The following ZFYVE16 variants were observed in gnomAD, a reference collection of about 807,000 sequenced individuals.
The protein encoded by ZFYVE16 is zinc finger FYVE domain-containing protein 16.
In ZFYVE16, 89 loss-of-function variants were observed where a neutral mutation model predicts 138.1. The ratio of observed to expected loss-of-function variants is 0.64; its 90% confidence interval spans 0.54 to 0.77. ZFYVE16 has a LOEUF of 0.77. ZFYVE16 is among the 30% of genes least tolerant of loss of function. The pLI is 0.00. For missense variants in ZFYVE16, 1,793 were observed against 1,786.7 expected, an observed-to-expected ratio of 1.00 and a Z score of -0.06; for synonymous variants, 596 against 618.3, an observed-to-expected ratio of 0.96 and a Z score of 0.53.
chr5:80,423,229 G>C (rs1274556226), intron 1 of ZFYVE16, among the ~76,000 whole-genome samples: 1 of 152,098 alleles, frequency 6.6e-6, no homozygotes, highest in Non-Finnish European at 1.5e-5. Context: ...TGGGTTATCT[G>C]TTTCTCCTTG....
At chr5:80,435,852 GTT>G in intron 3 of ZFYVE16, 1 of 252,668 alleles carries the variant, frequency 4.0e-6, no homozygotes, top group South Asian at 3.3e-5. Context: ...TGGGATTACA[GTT>G]GTAAGCCACC....
rs560131312 is a variant in ZFYVE16, at chr5:80,481,882, C to G, written c.*4505C>G. ...TCACCCAGGCTAGAGTGCAGTGATA[C>G]AATCTTGGCTCACTGCAACCTCCAC... On this transcript the variant is annotated 3_prime_UTR_variant, in exon 19 of 19. Coordinates refer to ENST00000505560, the MANE Select transcript of ZFYVE16 (RefSeq NM_001284236.3). Among the ~76,000 whole-genome samples, 1 of 152,260 alleles carries G rather than the reference C, an allele frequency of 6.6e-6. No individual in the cohort carries two copies. The highest frequency in any genetic ancestry group is 2.1e-4 in the South Asian group (1 of 4,828).
intron 6 of ZFYVE16, 109 bp from the exon 7 acceptor site, chr5:80,445,154 G>A: frequency 1.7e-6 from 2 of 1,210,616 alleles, no homozygotes; most frequent in South Asian, 1.5e-5. Flanking sequence ...GAATTCAGGG[G>A]TTGCCAGTGG....
rs1422407662 is a variant in ZFYVE16, at chr5:80,438,918, G to T, written c.2233G>T (p.Val745Phe). Residue 745 changes from valine to phenylalanine, a missense_variant, in exon 4 of 19, where the codon GTT (valine) becomes TTT (phenylalanine). By Grantham distance (50) the Val-to-Phe change is conservative. Coordinates refer to ENST00000505560, the MANE Select transcript of ZFYVE16 (RefSeq NM_001284236.3). ...LVLGQKQPTW[V>F]PDSEAPNCMN... Reference sequence around the variant, plus strand: ...TTTGGGCCAGAAACAGCCTACTTGGGTTCCTGATTCAGAAGCTCCAAACTG... The same window carrying T: ...TTTGGGCCAGAAACAGCCTACTTGGTTTCCTGATTCAGAAGCTCCAAACTG... 1.9e-6 allele frequency: 3 copies of T among 1,613,924 alleles called. No homozygotes were observed. The highest frequency in any genetic ancestry group is 2.5e-6 in the Non-Finnish European group (3 of 1,179,956).
intron 1 of ZFYVE16, among the ~76,000 whole-genome samples, chr5:80,415,277 TTTATTA>T (rs1376874947): frequency 6.6e-6 from 1 of 152,192 alleles, no homozygotes; most frequent in African/African-American, 2.4e-5. Context: ...CCACACCCAG[TTTATTA>T]TTAACATCTT....
chr5:80,455,137 T>C (rs1752390073), intron 11 of ZFYVE16: 1 of 152,752 alleles, frequency 6.5e-6, no homozygotes, highest in Non-Finnish European at 1.5e-5. Flanking sequence ...TGAAATAGTA[T>C]AGACACACTC....
At chr5:80,451,244 G>A (rs932978011) in intron 10 of ZFYVE16, among the ~76,000 whole-genome samples, 16 of 152,046 alleles carry the variant, frequency 1.1e-4, no homozygotes, top group Non-Finnish European at 1.9e-4. Flanking sequence ...TCAAATTTTT[G>A]TTCATAATCC....
chr5:80,425,272 C>T (rs181612789), intron 1 of ZFYVE16, among the ~76,000 whole-genome samples: 2 of 152,240 alleles, frequency 1.3e-5, no homozygotes, highest in Non-Finnish European at 1.5e-5. Flanking sequence ...GATAGGTCTT[C>T]GATGTCATTC....
intron 1 of ZFYVE16, among the ~76,000 whole-genome samples, chr5:80,420,638 T>C (rs949594759): frequency 2.0e-5 from 3 of 152,356 alleles, no homozygotes; most frequent in Middle Eastern, 3.4e-3. Flanking sequence ...TCCTTTTTTA[T>C]GGATGCATAG....
intron 14 of ZFYVE16, among the ~76,000 whole-genome samples, chr5:80,458,622 A>T (rs1408594004): frequency 6.6e-6 from 1 of 152,220 alleles, no homozygotes; most frequent in Non-Finnish European, 1.5e-5. Context: ...ATTGATGGGC[A>T]TAATTTGTTA....
chr5:80,438,771 G>C lies in ZFYVE16; in HGVS notation c.2086G>C (p.Asp696His), dbSNP rs1344941009. The C allele has an allele frequency of 6.2e-7, 1 of 1,614,074 alleles. No homozygotes were observed. Among genetic ancestry groups the C allele is most frequent in the Non-Finnish European group, 8.5e-7 (1 of 1,179,966 alleles). The change falls in exon 4 of 19, where the codon GAT (aspartate) becomes CAT (histidine). Residue 696 changes from aspartate (D) to histidine (H), a missense_variant. This residue lies in a region of ZFYVE16 where 1,295 missense variants were observed against 1,204.3 expected (regional missense o/e 1.08). Transcript: ENST00000505560. ...PITCAIDSTA[D>H]PQVSFNSNYI... is the part of the protein sequence containing the mutation. ...CACTTGTGCTATAGATTCTACAGCT[G>C]ATCCACAGGTTAGCTTCAACTCTAA...
chr5:80,451,580 C>A lies in ZFYVE16; in HGVS notation c.3478C>A (p.Gln1160Lys). Residue 1160 changes from glutamine (Q) to lysine (K), a missense_variant, in exon 11 of 19, where the codon CAG becomes AAG. Physicochemically the swap from Gln to Lys is moderately conservative, Grantham distance 53. Transcript: ENST00000505560. ...ATTCCTGTTTATTACACCTACTTTTCAGAAACTTGATGATCTCTCATTACC... is the reference window on the plus strand; with the variant it reads ...ATTCCTGTTTATTACACCTACTTTTAAGAAACTTGATGATCTCTCATTACC... ...GGFLFITPTF[Q>K]KLDDLSLPSN... The A allele has an allele frequency of 6.2e-7, 1 of 1,613,862 alleles. No individual in the cohort carries two copies. The highest frequency in any genetic ancestry group is 8.5e-7 in the Non-Finnish European group (1 of 1,179,898).
chr5:80,434,358 A>T (rs1426228591), intron 3 of ZFYVE16, 141 bp downstream of exon 3: 5 of 751,760 alleles, frequency 6.7e-6, no homozygotes, highest in Non-Finnish European at 1.1e-5. Flanking sequence ...TTTATTTCAT[A>T]ATAAGATGTT....
At chr5:80,443,666 T>A (rs1307442654) in intron 6 of ZFYVE16, 21 of 454,644 alleles carry the variant, frequency 4.6e-5, no homozygotes, top group Non-Finnish European at 8.8e-6. Context: ...CCAGATTTGA[T>A]GTTAGGAGTA....
chr5:80,417,794 G>A (rs1397462578), intron 1 of ZFYVE16, among the ~76,000 whole-genome samples: 1 of 152,218 alleles, frequency 6.6e-6, no homozygotes, highest in African/African-American at 2.4e-5. Context: ...TCACATCCAA[G>A]TTATTGTGTG....
chr5:80,440,099 CAA>C, intron 5 of ZFYVE16, 67 bp downstream of exon 5: 1 of 1,505,636 alleles, frequency 6.6e-7, no homozygotes, highest in Non-Finnish European at 8.9e-7. Context: ...TGGATTGTGA[CAA>C]AGATAAACTT....
intron 5 of ZFYVE16, among the ~76,000 whole-genome samples, chr5:80,442,182 C>A (rs1007420489): frequency 1.6e-4 from 25 of 152,154 alleles, no homozygotes; most frequent in African/African-American, 5.8e-4. Flanking sequence ...CAGCTCACTG[C>A]AACCTCCACC....
chr5:80,449,619 T>G lies in ZFYVE16; in HGVS notation c.3132T>G (p.His1044Gln). Residue 1044 changes from histidine to glutamine, a missense_variant, in exon 9 of 19, where the codon CAT (histidine) becomes CAG (glutamine). Transcript: ENST00000505560. ...SVPVVEEHPSHEQIILLLEGE... is the reference protein window; with the variant it reads ...SVPVVEEHPSQEQIILLLEGE... The stretch of plus-strand genomic sequence containing the variant: ...CTGTAGTAGAAGAACATCCATCTCA[T>G]GAGCAGATCATTTTGCTTCTTGAAG... 6.2e-7 allele frequency: 1 copy of G among 1,611,348 alleles called. No homozygotes were observed. The highest frequency in any genetic ancestry group is 8.5e-7 in the Non-Finnish European group (1 of 1,178,832).
Position 80,480,755 on chromosome 5 carries a change from T to C in ZFYVE16, c.*3378T>C, listed in dbSNP as rs1003834936. On this transcript the variant is annotated 3_prime_UTR_variant, in exon 19 of 19. Transcript: ENST00000505560. ...GAGCAACACAGGGAGACACTGTCTC[T>C]GCAAAATTAAAAAAATTTTGCCAGG... Among the ~76,000 whole-genome samples the C allele has an allele frequency of 2.6e-4, 39 of 152,036 alleles. No individual in the cohort carries two copies. Among genetic ancestry groups the C allele is most frequent in the Non-Finnish European group, 4.3e-4 (29 of 68,000 alleles).
Sources: allele counts gnomAD v4.1 joint callset (sites outside exome capture counted in the v4.1 genomes callset), GRCh38; gene constraint gnomAD v4.1.1; regional missense constraint gnomAD v4.1.1; transcripts MANE v1.5; gene names NCBI Gene and HGNC (gene_info 2026-07-23, HGNC 2026-07-21).